The following PYGL variants were observed in gnomAD, a reference collection of about 807,000 sequenced individuals.
PYGL encodes glycogen phosphorylase L.
Under a neutral mutation model 100.1 loss-of-function variants are expected in PYGL, and 90 were observed. The observed-to-expected ratio is 0.90, with a 90% CI of 0.76 to 1.07. The LOEUF (loss-of-function observed/expected upper bound fraction) is 1.07. Ranked by LOEUF, PYGL falls within the 50% of genes least tolerant of loss-of-function variation. The probability of loss-of-function intolerance (pLI) is 0.00; values close to 1 mark genes in which losing one functional copy is unlikely to be tolerated. For synonymous variants in PYGL, 373 were observed against 393.0 expected, an observed-to-expected ratio of 0.95 and a Z score of 0.60; for missense variants, 1,016 against 1,057.6, an observed-to-expected ratio of 0.96 and a Z score of 0.55.
At position 50,905,389 on chromosome 14, in the gene PYGL, A is replaced by C. The variant is rs748619209; in HGVS notation, c.*3T>G. On this transcript the variant is annotated 3_prime_UTR_variant, in exon 20 of 20. Coordinates refer to ENST00000216392, the MANE Select transcript of PYGL (RefSeq NM_002863.5). ...CTATGTTTTCTAGAGACAATTCTAG[A>C]GTTCAATTTCCATTGACTTTGTTAG... 1.7e-5 allele frequency: 28 copies of C among 1,608,220 alleles called. No individual in the cohort carries two copies. The highest frequency in any genetic ancestry group is 2.4e-5 in the Non-Finnish European group (28 of 1,174,776).
intron 10 of PYGL, 118 bp downstream of exon 10, chr14:50,915,707 G>A: frequency 6.8e-7 from 1 of 1,464,666 alleles, no homozygotes; most frequent in Non-Finnish European, 9.3e-7. Context: ...GTTCGGACTT[G>A]AGTACTTTTG....
intron 1 of PYGL, among the ~76,000 whole-genome samples, chr14:50,940,031 G>A (rs186327595): frequency 3.9e-5 from 6 of 152,248 alleles, no homozygotes; most frequent in Admixed American, 2.0e-4. Context: ...TTTCATCCAA[G>A]TTGTTTGAAT....
chr14:50,912,515 G>A (rs1429878645), intron 13 of PYGL: 15 of 600,254 alleles, frequency 2.5e-5, no homozygotes, highest in South Asian at 3.9e-5. Context: ...GCTAATTTTT[G>A]TATTTTTAGT....
rs771120156 is a variant in PYGL at position 50,909,913 on chromosome 14, G to T, written c.2159C>A (p.Ala720Asp). Reference protein sequence around the residue: ...FIFGMRIDDVAALDKKGYEAK... With the variant: ...FIFGMRIDDVDALDKKGYEAK... ...CTCTTACCCTTTCTTGTCCAAAGCA[G>T]CCACATCATCTATCCTCATGCCAAA... The change falls in exon 17 of 20, where the codon GCT (alanine) becomes GAT (aspartate). Residue 720 changes from alanine to aspartate, a missense_variant. Ala to Asp is a moderately radical substitution (Grantham distance 126). Coordinates refer to ENST00000216392, the MANE Select transcript of PYGL (RefSeq NM_002863.5). 1 of 1,614,048 alleles carries T rather than the reference G, an allele frequency of 6.2e-7. No homozygotes were observed. Among genetic ancestry groups the T allele is most frequent in the African/African-American group, 1.3e-5 (1 of 74,912 alleles).
Position 50,908,963 on chromosome 14 carries a change from G to GGT in PYGL, c.2178-9_2178-8insAC. Reference sequence around the variant, plus strand: ...TATTCTTTTGCCTCGTACCTGTGGGGTAGGGGTGGGTGGGTGATAAAAAAA... The same window carrying GGT: ...TATTCTTTTGCCTCGTACCTGTGGGGGTTAGGGGTGGGTGGGTGATAAAAAAA... On this transcript the variant is annotated splice_polypyrimidine_tract_variant and intron_variant, in intron 17 of 19. Coordinates refer to ENST00000216392, the MANE Select transcript of PYGL (RefSeq NM_002863.5). The GGT allele has an allele frequency of 1.1e-5, 11 of 1,040,458 alleles. No homozygotes were observed. Among genetic ancestry groups the GGT allele is most frequent in the African/African-American group, 1.8e-5 (1 of 57,136 alleles). The allele number at this position is 1,040,458 out of a possible 1,614,324, so 64.5% of individuals were successfully genotyped here.
At position 50,929,209 on chromosome 14, in the gene PYGL, C is replaced by T. The variant is rs370380820; in HGVS notation, c.528+2464G>A. On this transcript the variant is annotated intron_variant, in intron 4 of 19. Coordinates refer to ENST00000216392, the MANE Select transcript of PYGL (RefSeq NM_002863.5). ...GGATTACATGCACGCGCCACTATCTCCTGGCCAATTTTTGTATTTTTAGTA... is the reference window on the plus strand; with the variant it reads ...GGATTACATGCACGCGCCACTATCTTCTGGCCAATTTTTGTATTTTTAGTA... 8.5e-5 allele frequency among the ~76,000 whole-genome samples: 13 copies of T among 152,236 alleles called. No homozygotes were observed. In the East Asian group the frequency reaches 2.1e-3, roughly 25 times the overall value.
chr14:50,920,109 C>G (rs1435655583), intron 7 of PYGL, among the ~76,000 whole-genome samples: 1 of 152,110 alleles, frequency 6.6e-6, no homozygotes, highest in Non-Finnish European at 1.5e-5. Context: ...CCCAGGGTCT[C>G]TAACTCCATC....
In PYGL at chr14:50,936,630, G is replaced by A. The variant is rs545103453; in HGVS notation, c.345+1106C>T. On this transcript the variant is annotated intron_variant, in intron 2 of 19. Coordinates refer to ENST00000216392, the MANE Select transcript of PYGL (RefSeq NM_002863.5). Reference sequence around the variant, plus strand: ...TCGAGACCAGCTTGGCCAAAATGGCGAAACCCCATCTCTACTAAAAATACA... The same window carrying A: ...TCGAGACCAGCTTGGCCAAAATGGCAAAACCCCATCTCTACTAAAAATACA... 2.0e-4 allele frequency among the ~76,000 whole-genome samples: 30 copies of A among 152,238 alleles called. No individual in the cohort carries two copies. In the South Asian group the frequency reaches 5.2e-3, roughly 26 times the overall value.
At position 50,905,574 on chromosome 14, in the gene PYGL, A is replaced by G. The variant is rs1264759053; in HGVS notation, c.2380-18T>C. The G allele has an allele frequency of 3.7e-6, 6 of 1,613,446 alleles. No individual in the cohort carries two copies. In the African/African-American group the frequency reaches 6.7e-5, roughly 18 times the overall value. ...TTTGGATTCTGTAAACAACATATGC[A>G]TATACAGCCCAGAGTCCCAGTGCGC... On this transcript the variant is annotated intron_variant, in intron 19 of 19. Coordinates refer to ENST00000216392, the MANE Select transcript of PYGL (RefSeq NM_002863.5).
At chr14:50,917,502 G>C (rs1160669594) in intron 7 of PYGL, among the ~76,000 whole-genome samples, 6 of 152,204 alleles carry the variant, frequency 3.9e-5, no homozygotes, top group Non-Finnish European at 8.8e-5. Context: ...GTAGTACCAA[G>C]TACTGGGAAG....
intron 19 of PYGL, 130 bp downstream of exon 19, chr14:50,908,139 GTT>G (rs370516973): frequency 9.9e-6 from 5 of 503,572 alleles, no homozygotes; most frequent in Middle Eastern, 4.9e-4. Context: ...TGTTTTTGTT[GTT>G]TTTTTTTTGA....
At chr14:50,915,673 A>G (rs1213681447) in intron 10 of PYGL, 152 bp downstream of exon 10, 1 of 1,400,868 alleles carries the variant, frequency 7.1e-7, no homozygotes, top group East Asian at 2.5e-5. Flanking sequence ...AGCACTTTCA[A>G]AAAGCTGCCT....
intron 16 of PYGL, 112 bp downstream of exon 16, chr14:50,911,618 A>G: frequency 7.2e-7 from 1 of 1,387,204 alleles, no homozygotes; most frequent in Non-Finnish European, 1.0e-6. Flanking sequence ...CACAAGAGTG[A>G]CACCTTCTAT....
chr14:50,915,060 T>C (rs922249739), intron 11 of PYGL: 10 of 616,186 alleles, frequency 1.6e-5, no homozygotes, highest in Admixed American at 2.9e-5. Flanking sequence ...CACTGACATA[T>C]ATACTACACT....
intron 7 of PYGL, among the ~76,000 whole-genome samples, chr14:50,920,267 C>T (rs1047696494): frequency 2.0e-5 from 3 of 152,140 alleles, no homozygotes; most frequent in Admixed American, 1.3e-4. Context: ...TCTCTTATAT[C>T]CAGGTTTTGT....
At chr14:50,908,420 C>A in intron 18 of PYGL, 83 bp from the exon 19 acceptor site, 1 of 1,290,296 alleles carries the variant, frequency 7.8e-7, no homozygotes, top group South Asian at 1.2e-5. Flanking sequence ...GTAAAATCAT[C>A]TTTTGCTTAA....
chr14:50,912,387 C>T (rs1477036165), intron 13 of PYGL, 84 bp from the exon 14 acceptor site: 1 of 1,528,136 alleles, frequency 6.5e-7, no homozygotes, highest in East Asian at 2.2e-5. Flanking sequence ...GAGACGGAGT[C>T]TCACTCTTTT....
intron 17 of PYGL, 129 bp downstream of exon 17, chr14:50,909,766 G>T: frequency 1.9e-6 from 2 of 1,034,136 alleles, no homozygotes; most frequent in Non-Finnish European, 3.0e-6. Flanking sequence ...CGTGGGAGAT[G>T]TTCTGCTGCC....
At chr14:50,910,657 A>T (rs962251530) in intron 16 of PYGL, among the ~76,000 whole-genome samples, 4 of 152,184 alleles carry the variant, frequency 2.6e-5, no homozygotes, top group Middle Eastern at 3.4e-3. Flanking sequence ...GGGTCTCCCT[A>T]TGCTGCCCAG....
Sources: allele counts gnomAD v4.1 joint callset (sites outside exome capture counted in the v4.1 genomes callset), GRCh38; gene constraint gnomAD v4.1.1; transcripts MANE v1.5; gene names NCBI Gene and HGNC (gene_info 2026-07-23, HGNC 2026-07-21).